The following FHIT variants were observed in gnomAD, a reference collection of about 807,000 sequenced individuals.
FHIT encodes fragile histidine triad diadenosine triphosphatase.
FHIT carries 19 observed loss-of-function variants against 17.9 expected under a neutral mutation model. That is an observed-to-expected ratio of 1.06 (90% confidence interval 0.74 to 1.56). FHIT has a LOEUF of 1.56. Ranked by LOEUF, FHIT falls within the 40% of genes most tolerant of loss-of-function variation. FHIT has a pLI of 0.00. For missense variants in FHIT, 248 were observed against 189.2 expected (o/e 1.31, Z -1.82); for synonymous variants, 81 against 69.7 (o/e 1.16, Z -0.81).
In FHIT at chr3:60,284,110, GGAA is replaced by G. The variant is rs573198072; in HGVS notation, c.103+252747_103+252749del. Among the ~76,000 whole-genome samples, 879 of 152,100 alleles carry G rather than the reference GGAA, an allele frequency of 5.8e-3. 6 individuals are homozygous for G. Among genetic ancestry groups the G allele is most frequent in the Middle Eastern group, 0.017 (5 of 292 alleles). On this transcript the variant is annotated intron_variant, in intron 5 of 9. Transcript: ENST00000492590. ...TTTAGTAGAAAATATTCAATAAGAA[GGAA>G]GAAGAACAGTATATATTACACTATT...
chr3:60,071,170 C>A (rs1702752686), intron 5 of FHIT, among the ~76,000 whole-genome samples: 1 of 152,112 alleles, frequency 6.6e-6, no homozygotes, highest in African/African-American at 2.4e-5. Flanking sequence ...TCCTGAGCAC[C>A]TGAATTGTGG....
intron 5 of FHIT, among the ~76,000 whole-genome samples, chr3:60,114,777 A>G (rs1274325352): frequency 1.3e-5 from 2 of 152,068 alleles, no homozygotes; most frequent in Non-Finnish European, 2.9e-5. Flanking sequence ...CTGATGGGCT[A>G]AACTTATTCA....
At chr3:61,005,742 G>C (rs2031404030) in intron 3 of FHIT, among the ~76,000 whole-genome samples, 2 of 152,112 alleles carry the variant, frequency 1.3e-5, no homozygotes, top group African/African-American at 2.4e-5. Flanking sequence ...GTGGTGCCTA[G>C]AGCTGATGTG....
intron 3 of FHIT, among the ~76,000 whole-genome samples, chr3:60,903,082 T>C (rs930201591): frequency 1.3e-5 from 2 of 152,160 alleles, no homozygotes; most frequent in African/African-American, 4.8e-5. Flanking sequence ...TTCTAAAATA[T>C]TATCTTGAGA....
intron 5 of FHIT, among the ~76,000 whole-genome samples, chr3:60,192,322 G>A (rs1702438913): frequency 6.6e-6 from 1 of 152,060 alleles, no homozygotes; most frequent in African/African-American, 2.4e-5. Context: ...GTAAACTGAG[G>A]GCTGCTGAAA....
intron 5 of FHIT, among the ~76,000 whole-genome samples, chr3:60,497,049 A>T (rs2034328246): frequency 6.6e-6 from 1 of 152,176 alleles, no homozygotes; most frequent in African/African-American, 2.4e-5. Flanking sequence ...AGCAGTTCTC[A>T]AAAGGGGGTA....
At chr3:60,148,797 T>C (rs1275889586) in intron 5 of FHIT, among the ~76,000 whole-genome samples, 1 of 152,212 alleles carries the variant, frequency 6.6e-6, no homozygotes, top group Non-Finnish European at 1.5e-5. Flanking sequence ...TTTCAATATA[T>C]TTTCATTCAT....
intron 8 of FHIT, among the ~76,000 whole-genome samples, chr3:59,842,040 T>C (rs886657869): frequency 3.3e-5 from 5 of 152,148 alleles, no homozygotes; most frequent in African/African-American, 1.2e-4. Context: ...TGAAATTCTA[T>C]ACCCATTAAA....
At chr3:60,850,306 G>A (rs1703100638) in intron 3 of FHIT, among the ~76,000 whole-genome samples, 1 of 141,846 alleles carries the variant, frequency 7.0e-6, no homozygotes, top group Admixed American at 7.2e-5. Flanking sequence ...TCCATGTTAG[G>A]GCCTTTGTGT....
chr3:60,404,601 G>A (rs896905873), intron 5 of FHIT, among the ~76,000 whole-genome samples: 8 of 152,114 alleles, frequency 5.3e-5, no homozygotes, highest in African/African-American at 1.9e-4. Context: ...GTATTACACT[G>A]CTCTTACATT....
chr3:61,239,643 T>A (rs1469442818), intron 1 of FHIT, among the ~76,000 whole-genome samples: 1 of 151,716 alleles, frequency 6.6e-6, no homozygotes, highest in Non-Finnish European at 1.5e-5. Context: ...CTAGACTCCA[T>A]GAGGGCAGTG....
At chr3:60,513,265 A>G (rs2035017493) in intron 5 of FHIT, among the ~76,000 whole-genome samples, 1 of 152,202 alleles carries the variant, frequency 6.6e-6, no homozygotes, top group Non-Finnish European at 1.5e-5. Context: ...TGTTCTTTCA[A>G]CTTTACTGAG....
rs146657472 is a variant in FHIT, at chr3:60,913,454, C to T, written c.-110-91443G>A. Among the ~76,000 whole-genome samples, 484 of 152,298 alleles carry T rather than the reference C, an allele frequency of 3.2e-3. 2 individuals are homozygous for T. Among genetic ancestry groups the T allele is most frequent in the African/African-American group, 0.011 (470 of 41,560 alleles). ...GCTGAGTCTTAGGTCTCACCCTAGA[C>T]CTTCTGTATTCCAGAATTATAATAA... On this transcript the variant is annotated intron_variant, in intron 3 of 9. Transcript: ENST00000492590.
intron 5 of FHIT, among the ~76,000 whole-genome samples, chr3:60,322,244 G>A (rs1041787624): frequency 6.6e-6 from 1 of 152,254 alleles, no homozygotes; most frequent in East Asian, 1.9e-4. Context: ...GCACTAAAAT[G>A]TCTCTTTTTC....
chr3:60,952,224 C>G (rs1351986560), intron 3 of FHIT, among the ~76,000 whole-genome samples: 1 of 147,824 alleles, frequency 6.8e-6, no homozygotes, highest in African/African-American at 2.5e-5. Flanking sequence ...TATACCACAC[C>G]GAATCAGTCG....
chr3:60,157,981 G>A (rs1700774971), intron 5 of FHIT, among the ~76,000 whole-genome samples: 1 of 152,158 alleles, frequency 6.6e-6, no homozygotes, highest in South Asian at 2.1e-4. Flanking sequence ...TTCGGTTCCT[G>A]AAAGAGACTA....
chr3:59,968,432 AAAAC>A (rs1708029871), intron 7 of FHIT, among the ~76,000 whole-genome samples: 1 of 148,808 alleles, frequency 6.7e-6, no homozygotes, highest in Non-Finnish European at 1.5e-5. Context: ...TATCAAAACA[AAAAC>A]AAAAACAAAA....
At chr3:61,215,518 T>C (rs1304616369) in intron 1 of FHIT, among the ~76,000 whole-genome samples, 1 of 152,130 alleles carries the variant, frequency 6.6e-6, no homozygotes, top group Non-Finnish European at 1.5e-5. Context: ...TGGAAGAACA[T>C]TCTATGCTCA....
chr3:60,867,097 CTTAG>C (rs1199925131), intron 3 of FHIT, among the ~76,000 whole-genome samples: 2 of 152,132 alleles, frequency 1.3e-5, no homozygotes, highest in Non-Finnish European at 2.9e-5. Context: ...TGTGAGGACT[CTTAG>C]TTAATTTGTT....
Sources: allele counts gnomAD v4.1 joint callset (sites outside exome capture counted in the v4.1 genomes callset), GRCh38; gene constraint gnomAD v4.1.1; transcripts MANE v1.5; gene names NCBI Gene and HGNC (gene_info 2026-07-23, HGNC 2026-07-21).